Variants in EPHA7 observed in about 807,000 individuals in gnomAD.
The protein encoded by EPHA7 is EPH receptor A7.
EPHA7 carries 25 observed loss-of-function variants against 112.6 expected under a neutral mutation model. The ratio of observed to expected loss-of-function variants is 0.22; its 90% CI spans 0.16 to 0.31. The LOEUF is 0.31. EPHA7 is among the 10% of genes least tolerant of loss of function. EPHA7 has a pLI of 1.00. For synonymous variants in EPHA7, 437 were observed against 406.5 expected, an observed-to-expected ratio of 1.07 and a Z score of -0.90; for missense variants, 962 against 1,212.6, an observed-to-expected ratio of 0.79 and a Z score of 3.07.
At chr6:93,417,642 T>TGCA (rs1779306664) in intron 1 of EPHA7, among the ~76,000 whole-genome samples, 1 of 152,118 alleles carries the variant, frequency 6.6e-6, no homozygotes, top group Non-Finnish European at 1.5e-5. Context: ...GCCGCGGCGG[T>TGCA]GCAAACTTTT....
intron 9 of EPHA7, 120 bp downstream of exon 9, chr6:93,263,740 T>G: frequency 1.6e-6 from 1 of 626,580 alleles, no homozygotes; most frequent in East Asian, 2.8e-5. Context: ...TAAAGCAACA[T>G]TTTGAGCTCA....
At position 93,410,491 on chromosome 6, in the gene EPHA7, C is replaced by T. The variant is rs755417128; in HGVS notation, c.832+10G>A. ...GGCAAAGTGGAGTTTTAATAGGACA[C>T]ATTACTTACGTTCACAAGTGTCTCC... On this transcript the variant is annotated intron_variant, in intron 3 of 16. Transcript: ENST00000369303. This position sits in a 1 kb window ranked among gnomAD's most constrained non-coding sequence, Gnocchi z 4.0. 1.3e-5 allele frequency: 21 copies of T among 1,605,832 alleles called. No individual in the cohort carries two copies. The highest frequency in any genetic ancestry group is 6.8e-5 in the Admixed American group (4 of 59,024).
At chr6:93,278,842 T>C (rs1411373940) in intron 5 of EPHA7, among the ~76,000 whole-genome samples, 2 of 152,000 alleles carry the variant, frequency 1.3e-5, no homozygotes, top group Non-Finnish European at 2.9e-5. Context: ...TTCAATATAC[T>C]GCAAAATTCT....
In EPHA7 at chr6:93,376,655, A is replaced by C. The variant is rs540507840; in HGVS notation, c.833-18244T>G. 1.7e-3 allele frequency among the ~76,000 whole-genome samples: 266 copies of C among 152,280 alleles called. 3 individuals carry two copies. The highest frequency in any genetic ancestry group is 6.3e-3 in the African/African-American group (261 of 41,546). ...TCCGTATCAATGTATTTGAACAAAA[A>C]TAAAGTAGATTGTATGCATAAATGC... On this transcript the variant is annotated intron_variant, in intron 3 of 16. Coordinates refer to ENST00000369303, the MANE Select transcript of EPHA7 (RefSeq NM_004440.4).
At chr6:93,269,206 C>CCTGCTT (rs1178356851) in intron 7 of EPHA7, among the ~76,000 whole-genome samples, 1 of 151,640 alleles carries the variant, frequency 6.6e-6, no homozygotes, top group African/African-American at 2.4e-5. Context: ...TTGAATCAGT[C>CCTGCTT]CTGCTTCTGT....
chr6:93,272,370 G>A lies in EPHA7; in HGVS notation c.1377C>T (p.Val459=), dbSNP rs373435281. 6.2e-6 allele frequency: 10 copies of A among 1,612,126 alleles called. No individual in the cohort carries two copies. The highest frequency in any genetic ancestry group is 1.7e-4 in the Middle Eastern group (1 of 6,046). ...VMKERVLQRS[V]ELSWQEPEHP... ...GCTCTGGTTCCTGCCAGGAAAGCTC[G>A]ACACTCCGCTGCAGTACTCTCTCCT... The change falls in exon 6 of 17, where the codon GTC becomes GTT. Residue 459 remains valine, a synonymous_variant. Transcript: ENST00000369303.
intron 5 of EPHA7, among the ~76,000 whole-genome samples, chr6:93,340,219 T>C (rs1025740926): frequency 6.6e-6 from 1 of 151,834 alleles, no homozygotes; most frequent in East Asian, 1.9e-4. Flanking sequence ...CGTGTGTATA[T>C]GTGTATGTGC....
chr6:93,314,404 T>A (rs1437254830), intron 5 of EPHA7, among the ~76,000 whole-genome samples: 2 of 152,168 alleles, frequency 1.3e-5, no homozygotes, highest in African/African-American at 4.8e-5. Context: ...GGATGAGTAT[T>A]TAACAAAGTA....
rs890577860 is a variant in EPHA7 at position 93,249,249 on chromosome 6, A to G, written c.2533-2264T>C. On this transcript the variant is annotated intron_variant, in intron 14 of 16. Coordinates refer to ENST00000369303, the MANE Select transcript of EPHA7 (RefSeq NM_004440.4). Reference sequence around the variant, plus strand: ...AATATATACAAATGGTAACTCTGCAAGGATCACAAATATATAAGTACAGGA... The same window carrying G: ...AATATATACAAATGGTAACTCTGCAGGGATCACAAATATATAAGTACAGGA... 5.9e-5 allele frequency among the ~76,000 whole-genome samples: 9 copies of G among 152,332 alleles called. No individual in the cohort carries two copies. The East Asian group carries it at 1.7e-3, about 29-fold the overall frequency.
chr6:93,412,578 TTTG>T (rs1779029834), intron 2 of EPHA7, among the ~76,000 whole-genome samples: 1 of 152,090 alleles, frequency 6.6e-6, no homozygotes, highest in Non-Finnish European at 1.5e-5. Context: ...TCAACTTGCA[TTTG>T]TGACTAGTTA....
intron 1 of EPHA7, among the ~76,000 whole-genome samples, chr6:93,415,715 G>A (rs1362345882): frequency 2.0e-5 from 3 of 151,908 alleles, no homozygotes; most frequent in Non-Finnish European, 4.4e-5. Flanking sequence ...ACACCATTTT[G>A]ACAAATGCAT....
At chr6:93,340,123 T>A (rs1291075477) in intron 5 of EPHA7, among the ~76,000 whole-genome samples, 1 of 151,880 alleles carries the variant, frequency 6.6e-6, no homozygotes, top group East Asian at 1.9e-4. Flanking sequence ...CAATACTATA[T>A]AAACAAAACA....
At chr6:93,252,104 G>A (rs1322403081) in intron 14 of EPHA7, among the ~76,000 whole-genome samples, 1 of 142,560 alleles carries the variant, frequency 7.0e-6, no homozygotes, top group East Asian at 2.2e-4. Context: ...TGTTCAGATA[G>A]TCCAGAACTT....
chr6:93,332,577 G>A (rs2127905160), intron 5 of EPHA7, among the ~76,000 whole-genome samples: 1 of 151,654 alleles, frequency 6.6e-6, no homozygotes, highest in African/African-American at 2.4e-5. Flanking sequence ...ATATGTGCAT[G>A]ACAAAAGTAA....
rs927644531 is a variant in EPHA7, at chr6:93,240,265, C to T, written c.*3161G>A. ...TCTCCACATATAGCAAAAAAATACACATCAGTAATTTATTTGAACATGCAC... is the reference window on the plus strand; with the variant it reads ...TCTCCACATATAGCAAAAAAATACATATCAGTAATTTATTTGAACATGCAC... On this transcript the variant is annotated 3_prime_UTR_variant, in exon 17 of 17. Transcript: ENST00000369303. The T allele has an allele frequency of 2.7e-5, 6 of 225,486 alleles. No homozygotes were observed. The highest frequency in any genetic ancestry group is 1.9e-4 in the East Asian group (3 of 15,598). 14.0% of individuals were successfully genotyped at this position (225,486 alleles called of 1,614,324 possible). A position where few individuals can be genotyped will look rare whatever the true frequency, so the allele number is the denominator to read the frequency against.
chr6:93,309,916 T>A (rs1424458895), intron 5 of EPHA7, among the ~76,000 whole-genome samples: 1 of 152,130 alleles, frequency 6.6e-6, no homozygotes, highest in Non-Finnish European at 1.5e-5. Flanking sequence ...AAATGGCAAA[T>A]AAAGAAAGTG....
At chr6:93,344,778 T>C (rs2127926728) in intron 5 of EPHA7, among the ~76,000 whole-genome samples, 1 of 151,750 alleles carries the variant, frequency 6.6e-6, no homozygotes, top group East Asian at 1.9e-4. Flanking sequence ...CTTCCTTTGG[T>C]AATTGTGACA....
intron 3 of EPHA7, among the ~76,000 whole-genome samples, chr6:93,404,154 C>T (rs1217930832): frequency 6.6e-6 from 1 of 151,738 alleles, no homozygotes; most frequent in Non-Finnish European, 1.5e-5. Flanking sequence ...TAATTAGAAG[C>T]CTGAAGCTTT....
intron 7 of EPHA7, among the ~76,000 whole-genome samples, chr6:93,265,777 A>T (rs1253300530): frequency 6.6e-6 from 1 of 151,762 alleles, no homozygotes; most frequent in Non-Finnish European, 1.5e-5. Context: ...GATGGGAAAT[A>T]CCATTCCTTC....
Sources: gnomAD v4.1 joint callset for allele counts (sites outside exome capture counted in the v4.1 genomes callset) on GRCh38, gnomAD v4.1.1 for gene constraint, Gnocchi (gnomAD v3.1) non-coding constraint, MANE v1.5 for transcripts, NCBI Gene and HGNC (gene_info 2026-07-23, HGNC 2026-07-21) for gene names.